GRAMD4: variants seen among roughly 807,000 people sequenced by gnomAD.
The protein encoded by GRAMD4 is GRAM domain containing 4, also known as GRAM domain-containing protein 4.
GRAMD4 carries 25 observed loss-of-function variants against 83.9 expected under a neutral mutation model. The observed-to-expected ratio is 0.30, with a 90% CI of 0.22 to 0.42. The LOEUF is 0.42. Among genes scored for constraint, GRAMD4 ranks in the 10% least tolerant of loss-of-function variants. GRAMD4 has a pLI of 1.00. For synonymous variants in GRAMD4, 336 were observed against 320.9 expected, an observed-to-expected ratio of 1.05 and a Z score of -0.50; for missense variants, 593 against 788.7, an observed-to-expected ratio of 0.75 and a Z score of 2.97.
chr22:46,677,294 T>C lies in GRAMD4; in HGVS notation c.*43T>C. 1 of 1,562,526 alleles carries C rather than the reference T, an allele frequency of 6.4e-7. No individual in the cohort carries two copies. Among genetic ancestry groups the C allele is most frequent in the Non-Finnish European group, 8.6e-7 (1 of 1,163,218 alleles). ...CGTTGCTGGAATTTTCTTTTTCTTT[T>C]TCTTTTTCTTTTTTTTTTTTTACGA... is the stretch of plus-strand genomic sequence containing the variant. On this transcript the variant is annotated 3_prime_UTR_variant, in exon 19 of 19. Transcript: ENST00000406902.
chr22:46,620,044 G>A (rs1206560160), upstream of GRAMD4, among the ~76,000 whole-genome samples: 2 of 152,232 alleles, frequency 1.3e-5, no homozygotes, highest in Non-Finnish European at 2.9e-5. The surrounding 1 kb of genome is among the most constrained non-coding windows in gnomAD (Gnocchi z 4.7). Flanking sequence ...CCAGAACTCG[G>A]AGAGGAACTT....
At chr22:46,623,437 C>G (rs962319507) in intron 1 of GRAMD4, among the ~76,000 whole-genome samples, 1 of 152,096 alleles carries the variant, frequency 6.6e-6, no homozygotes, top group Non-Finnish European at 1.5e-5. Flanking sequence ...CCCCAGGCTG[C>G]AGTGCAGTGG....
chr22:46,661,294 C>A, intron 4 of GRAMD4, 87 bp from the exon 5 acceptor site: 1 of 961,174 alleles, frequency 1.0e-6, no homozygotes, highest in Non-Finnish European at 1.7e-6. Context: ...GTGCAGTACA[C>A]GGTCGCGAGA....
chr22:46,633,557 G>T (rs74822108), intron 2 of GRAMD4, among the ~76,000 whole-genome samples: 2,706 of 152,318 alleles, frequency 0.018, 67 homozygotes, highest in African/African-American at 0.06. Flanking sequence ...CAGCAACTGG[G>T]GGCTCTGGCC....
chr22:46,660,235 A>G (rs966889137), intron 4 of GRAMD4, among the ~76,000 whole-genome samples: 11 of 152,200 alleles, frequency 7.2e-5, no homozygotes, highest in Non-Finnish European at 1.2e-4. Context: ...CAGTGAAGGA[A>G]CATCCAGGCT....
intron 1 of GRAMD4, among the ~76,000 whole-genome samples, chr22:46,595,109 C>T (rs780651321): frequency 5.3e-5 from 8 of 152,046 alleles, no homozygotes; most frequent in Non-Finnish European, 1.2e-4. Flanking sequence ...ACATGCGGCC[C>T]GGGGGGAGAG....
chr22:46,603,264 G>A (rs543942879), intron 1 of GRAMD4, among the ~76,000 whole-genome samples: 1 of 129,824 alleles, frequency 7.7e-6, no homozygotes, highest in Admixed American at 8.9e-5. Context: ...CTGGATTGCA[G>A]TGGCATGACC....
At chr22:46,595,130 C>A (rs376996418) in intron 1 of GRAMD4, among the ~76,000 whole-genome samples, 7 of 152,180 alleles carry the variant, frequency 4.6e-5, no homozygotes, top group African/African-American at 1.7e-4. Flanking sequence ...TGTGCCTTTC[C>A]CCTGGAGACA....
chr22:46,653,272 G>C (rs2082194517), intron 3 of GRAMD4, among the ~76,000 whole-genome samples: 1 of 152,262 alleles, frequency 6.6e-6, no homozygotes, highest in African/African-American at 2.4e-5. Context: ...TGGGCTCTGA[G>C]CAGCGAGCAT....
In GRAMD4 at chr22:46,630,394, G is replaced by T. The variant is rs563432234; in HGVS notation, c.162+3433G>T. ...CCATTCTTGGACTGTGATGAATGAG[G>T]CTGAATGCCTGCGATTGAGTGTTTG... On this transcript the variant is annotated intron_variant, in intron 2 of 18. Coordinates refer to ENST00000406902, the MANE Select transcript of GRAMD4 (RefSeq NM_015124.5). Among the ~76,000 whole-genome samples the T allele has an allele frequency of 2.0e-5, 3 of 152,292 alleles. No homozygotes were observed. In the East Asian group the frequency reaches 5.8e-4, roughly 29 times the overall value.
Position 46,668,859 on chromosome 22 carries a change from C to T in GRAMD4, c.1035C>T (p.Ala345=). ...AGCTGTATGTGGCGCTCTGGGCTGCCTTCCTGGCCTCCTGCTTCTTCCCCT... is the reference window on the plus strand; with the variant it reads ...AGCTGTATGTGGCGCTCTGGGCTGCTTTCCTGGCCTCCTGCTTCTTCCCCT... ...TQKLYVALWA[A]FLASCFFPYR... is the part of the protein sequence containing the mutation. Residue 345 remains alanine (A), a synonymous_variant, in exon 13 of 19, where the codon GCC becomes GCT. Transcript: ENST00000406902. 2.5e-6 allele frequency: 4 copies of T among 1,612,938 alleles called. No individual in the cohort carries two copies. The highest frequency in any genetic ancestry group is 3.4e-6 in the Non-Finnish European group (4 of 1,179,596).
chr22:46,668,777 T>G, intron 12 of GRAMD4, 22 bp from the exon 13 acceptor site: 2 of 1,290,068 alleles, frequency 1.6e-6, no homozygotes, highest in Non-Finnish European at 2.1e-6. Context: ...CCGCCCGGCC[T>G]GAGCCTCCCG....
chr22:46,643,155 C>CCATCCATCCATCCATCCATGCATGCATG (rs2082007649), intron 3 of GRAMD4, among the ~76,000 whole-genome samples: 1 of 14,184 alleles, frequency 7.1e-5, no homozygotes, highest in Non-Finnish European at 1.7e-4. Flanking sequence ...ATCCATCCAT[C>CCATCCATCCATCCATCCATGCATGCATG]CATCCATCCA....
In GRAMD4 at chr22:46,672,868, C is replaced by T; in HGVS notation, c.1110C>T (p.Phe370=). ...GACTCTATGCTGGTATCAAGTTCTT[C>T]CTCATTGATTTCATCTTTAAACGCT... ...AVGLYAGIKF[F]LIDFIFKRCP... is the part of the protein sequence containing the mutation. Residue 370 remains phenylalanine, a synonymous_variant, in exon 14 of 19, where the codon TTC becomes TTT. Coordinates refer to ENST00000406902, the MANE Select transcript of GRAMD4 (RefSeq NM_015124.5). The surrounding 1 kb of genome is among the most constrained non-coding windows in gnomAD (Gnocchi z 4.7). 3 of 1,612,848 alleles carry T rather than the reference C, an allele frequency of 1.9e-6. No homozygotes were observed. Among genetic ancestry groups the T allele is most frequent in the Non-Finnish European group, 2.5e-6 (3 of 1,179,614 alleles).
At chr22:46,641,165 C>T (rs377721487) in intron 3 of GRAMD4, among the ~76,000 whole-genome samples, 5 of 152,092 alleles carry the variant, frequency 3.3e-5, no homozygotes, top group South Asian at 4.1e-4. Flanking sequence ...CTTTGCCTGC[C>T]GGGTTCAAGC....
chr22:46,666,561 C>T (rs756387951), intron 9 of GRAMD4, among the ~76,000 whole-genome samples: 47 of 152,198 alleles, frequency 3.1e-4, no homozygotes, highest in Non-Finnish European at 5.1e-4. Context: ...GTTGAAGGGC[C>T]GCCCTCTCCC....
chr22:46,596,475 G>A (rs1602311082), intron 1 of GRAMD4, among the ~76,000 whole-genome samples: 1 of 152,350 alleles, frequency 6.6e-6, no homozygotes, highest in Non-Finnish European at 1.5e-5. Context: ...GGCTCGAATG[G>A]CCTTTCTCTT....
At chr22:46,628,206 C>T (rs1023113785) in intron 2 of GRAMD4, among the ~76,000 whole-genome samples, 1 of 152,166 alleles carries the variant, frequency 6.6e-6, no homozygotes, top group African/African-American at 2.4e-5. Flanking sequence ...AAGGCCAGAG[C>T]GGGGCTGTTT....
rs938452521 is a variant in GRAMD4 at position 46,678,553 on chromosome 22, C to T, written c.*1302C>T. The T allele has an allele frequency of 4.3e-5, 42 of 985,300 alleles. No individual in the cohort carries two copies. The South Asian group carries it at 9.9e-4, about 23-fold the overall frequency. 61.0% of individuals were successfully genotyped at this position (985,300 alleles called of 1,614,324 possible). On this transcript the variant is annotated 3_prime_UTR_variant, in exon 19 of 19. Transcript: ENST00000406902. ...GCCTCCTGGAAGGAGGTGGCCACCC[C>T]GCGGGCCTGCGTGTCTGCTGGGGCG...
Sources: allele counts gnomAD v4.1 joint callset (sites outside exome capture counted in the v4.1 genomes callset), GRCh38; gene constraint gnomAD v4.1.1; non-coding constraint Gnocchi (gnomAD v3.1); transcripts MANE v1.5; gene names NCBI Gene and HGNC (gene_info 2026-07-23, HGNC 2026-07-21).